The following PGAM5 variants were observed in gnomAD, a reference collection of about 807,000 sequenced individuals.
The protein encoded by PGAM5 is PGAM family member 5, mitochondrial serine/threonine protein phosphatase, also known as serine/threonine-protein phosphatase PGAM5, mitochondrial.
Under a neutral mutation model 30.6 loss-of-function variants are expected in PGAM5, and 25 were observed. The ratio of observed to expected loss-of-function variants is 0.82; its 90% CI spans 0.60 to 1.14. The LOEUF is 1.14. Among genes scored for constraint, PGAM5 ranks in the 50% most tolerant of loss-of-function variants. The pLI is 0.00. For synonymous variants in PGAM5, 201 were observed against 179.1 expected, an observed-to-expected ratio of 1.12 and a Z score of -0.98; for missense variants, 384 against 408.5, an observed-to-expected ratio of 0.94 and a Z score of 0.52.
At chr12:132,720,445 C>T (rs2043632038) in intron 5 of PGAM5, among the ~76,000 whole-genome samples, 3 of 152,060 alleles carry the variant, frequency 2.0e-5, no homozygotes, top group Non-Finnish European at 4.4e-5. Flanking sequence ...GTAGCTGGGA[C>T]TACAGGTGCC....
intron 2 of PGAM5, among the ~76,000 whole-genome samples, chr12:132,716,225 A>G (rs1229140817): frequency 6.6e-6 from 1 of 152,082 alleles, no homozygotes; most frequent in Non-Finnish European, 1.5e-5. Context: ...AGCTGGGACT[A>G]CAGGCACACG....
chr12:132,718,240 G>GC (rs149250932), intron 5 of PGAM5, 120 bp downstream of exon 5: 478,494 of 1,275,194 alleles, frequency 0.38, 96,411 homozygotes, highest in Non-Finnish European at 0.41. Context: ...GGCCTCACCA[G>GC]CCCCCGGGCG....
chr12:132,719,716 C>T (rs1237318079), intron 5 of PGAM5, among the ~76,000 whole-genome samples: 1 of 152,256 alleles, frequency 6.6e-6, no homozygotes, highest in Non-Finnish European at 1.5e-5. Context: ...GAGAATATGG[C>T]TGTGCTGTTC....
rs1440102098 is a variant in PGAM5 at position 132,717,347 on chromosome 12, TGGAGGAGGGCGTGTTTGCGGGC to T, written c.371-82_371-61del. ...GGGCGGAGGAGGGGGTGTTTGAGGG[TGGAGGAGGGCGTGTTTGCGGGC>T]GGAGGAGGGGGTGTTTGAGGGTGGA... is the stretch of plus-strand genomic sequence containing the variant. On this transcript the variant is annotated intron_variant, in intron 2 of 5. Transcript: ENST00000498926. 1.0e-4 allele frequency: 103 copies of T among 1,021,790 alleles called. No individual in the cohort carries two copies. The African/African-American group carries it at 3.2e-3, about 32-fold the overall frequency. The allele number at this position is 1,021,790 out of a possible 1,614,324, so 63.3% of individuals were successfully genotyped here.
chr12:132,713,081 G>T (rs2043537711), intron 1 of PGAM5, among the ~76,000 whole-genome samples: 1 of 152,062 alleles, frequency 6.6e-6, no homozygotes, highest in Admixed American at 6.6e-5. Context: ...AATCACTTGA[G>T]CCCAGGAGGT....
In PGAM5 at chr12:132,720,994, C is replaced by A; in HGVS notation, c.*166C>A. 1 of 859,360 alleles carries A rather than the reference C, an allele frequency of 1.2e-6. No homozygotes were observed. The allele number at this position is 859,360 out of a possible 1,614,324, so 53.2% of individuals were successfully genotyped here. A position where few individuals can be genotyped will look rare whatever the true frequency, so the allele number is the denominator to read the frequency against. The stretch of plus-strand genomic sequence containing the variant: ...GAGTTGGGATCAGACAGCCTGACTT[C>A]TCTGCAGGGTTTTATACCTGACCAT... On this transcript the variant is annotated 3_prime_UTR_variant, in exon 6 of 6. Coordinates refer to ENST00000498926, the MANE Select transcript of PGAM5 (RefSeq NM_001170543.2).
intron 2 of PGAM5, 22 bp from the exon 3 acceptor site, chr12:132,717,417 T>C: frequency 1.9e-6 from 3 of 1,580,364 alleles, no homozygotes; most frequent in Non-Finnish European, 2.6e-6. Context: ...GGTGCGGCAC[T>C]CAGGTGCCTT....
intron 1 of PGAM5, among the ~76,000 whole-genome samples, chr12:132,713,288 CTT>C (rs1192539560): frequency 6.6e-6 from 1 of 152,164 alleles, no homozygotes; most frequent in African/African-American, 2.4e-5. Flanking sequence ...TTGGGAAAGA[CTT>C]ATACAGACAG....
chr12:132,718,161 A>G, intron 5 of PGAM5, 41 bp downstream of exon 5: 1 of 1,608,984 alleles, frequency 6.2e-7, no homozygotes, highest in South Asian at 1.1e-5. Flanking sequence ...AAATAATTTC[A>G]GACTTAGAGA....
At chr12:132,717,938 C>T (rs778643368) in intron 4 of PGAM5, 49 bp from the exon 5 acceptor site, 17 of 1,608,552 alleles carry the variant, frequency 1.1e-5, no homozygotes, top group Admixed American at 8.4e-5. Flanking sequence ...TCCTGACACC[C>T]GCCCTGCCCG....
At chr12:132,711,322 G>C (rs2043520145) in intron 1 of PGAM5, 1 of 263,274 alleles carries the variant, frequency 3.8e-6, no homozygotes, top group African/African-American at 2.2e-5. Flanking sequence ...CTGCGAGTCC[G>C]CCCTGGGTGC....
At chr12:132,713,493 C>T (rs994924103) in intron 1 of PGAM5, among the ~76,000 whole-genome samples, 7 of 152,160 alleles carry the variant, frequency 4.6e-5, no homozygotes, top group Non-Finnish European at 7.3e-5. Flanking sequence ...AGCCTGACTC[C>T]CCCATACCTG....
At chr12:132,720,098 T>TGTCGATTCCAGTCATCGATTCAC (rs2043627643) in intron 5 of PGAM5, among the ~76,000 whole-genome samples, 1 of 148,804 alleles carries the variant, frequency 6.7e-6, no homozygotes, top group Non-Finnish European at 1.5e-5. Context: ...GCTCCATTCA[T>TGTCGATTCCAGTCATCGATTCAC]GTCGATCCCA....
At chr12:132,718,941 C>T in intron 5 of PGAM5, 1 of 1,538,126 alleles carries the variant, frequency 6.5e-7, no homozygotes, top group South Asian at 1.2e-5. Context: ...TCGGGGGGCC[C>T]TTGTCCCTCA....
At chr12:132,715,562 C>T (rs1258067839) in intron 2 of PGAM5, among the ~76,000 whole-genome samples, 21 of 121,284 alleles carry the variant, frequency 1.7e-4, no homozygotes, top group Admixed American at 7.4e-4. Flanking sequence ...CAGAGCGAGA[C>T]TCCGTCTCAA....
At chr12:132,718,910 G>A (rs549648661) in intron 5 of PGAM5, 40 of 1,588,518 alleles carry the variant, frequency 2.5e-5, no homozygotes, top group South Asian at 1.7e-4. Context: ...GCTGAGTCAC[G>A]TTGCTGCTCG....
rs61978651 is a variant in PGAM5 at position 132,717,747 on chromosome 12, C to A, written c.534C>A (p.Gly178=). The change falls in exon 4 of 6, where the codon GGC becomes GGA. Residue 178 remains glycine, a synonymous_variant. Coordinates refer to ENST00000498926, the MANE Select transcript of PGAM5 (RefSeq NM_001170543.2). ...CKVSTDLLRE[G]APIEPDPPVS... ...TCAGCACAGATCTGCTGCGGGAAGG[C>A]GCCCCCATCGAGCCAGACCCGCCCG... is the stretch of plus-strand genomic sequence containing the variant. 1.3e-6 allele frequency: 2 copies of A among 1,583,238 alleles called. No individual in the cohort carries two copies. Among genetic ancestry groups the A allele is most frequent in the Admixed American group, 3.6e-5 (2 of 55,482 alleles).
At chr12:132,712,844 AGATTTACTCT>A (rs2043535879) in intron 1 of PGAM5, among the ~76,000 whole-genome samples, 1 of 152,136 alleles carries the variant, frequency 6.6e-6, no homozygotes, top group Non-Finnish European at 1.5e-5. Context: ...TTAAGGAAAC[AGATTTACTCT>A]GCCGTTAAAG....
chr12:132,717,832 C>A, intron 4 of PGAM5, 34 bp downstream of exon 4: 1 of 1,578,184 alleles, frequency 6.3e-7, no homozygotes, highest in Non-Finnish European at 8.6e-7. Context: ...CTGTGTCACC[C>A]TCGCCTTCCC....
Sources: gnomAD v4.1 joint callset for allele counts (sites outside exome capture counted in the v4.1 genomes callset) on GRCh38, gnomAD v4.1.1 for gene constraint, MANE v1.5 for transcripts, NCBI Gene and HGNC (gene_info 2026-07-23, HGNC 2026-07-21) for gene names.